Variants in PLCB1 observed in about 807,000 individuals in gnomAD.
The protein encoded by PLCB1 is phospholipase C beta 1, also known as 1-phosphatidylinositol 4,5-bisphosphate phosphodiesterase beta-1.
In PLCB1, 46 loss-of-function variants were observed where a neutral mutation model predicts 161.8. That is an observed-to-expected ratio of 0.28 (90% confidence interval 0.22 to 0.36). The LOEUF (loss-of-function observed/expected upper bound fraction) is 0.36, where lower values mean the gene tolerates loss of function less well. PLCB1 is among the 10% of genes least tolerant of loss of function. The pLI, the probability that PLCB1 is intolerant of heterozygous loss-of-function variation, is 1.00. For synonymous variants in PLCB1, 517 were observed against 503.7 expected (o/e 1.03, Z -0.35); for missense variants, 1,016 against 1,472.5 (o/e 0.69, Z 5.07).
chr20:8,557,948 G>T (rs2123013462), intron 3 of PLCB1, among the ~76,000 whole-genome samples: 1 of 152,000 alleles, frequency 6.6e-6, no homozygotes, highest in African/African-American at 2.4e-5. Context: ...AAAAAGCACA[G>T]ATATTGGATC....
At chr20:8,496,352 C>T (rs979897212) in intron 3 of PLCB1, among the ~76,000 whole-genome samples, 1 of 140,478 alleles carries the variant, frequency 7.1e-6, no homozygotes, top group East Asian at 2.1e-4. Flanking sequence ...AAAAAAAATA[C>T]AAAAATTAGC....
chr20:8,550,312 A>G (rs909673571), intron 3 of PLCB1, among the ~76,000 whole-genome samples: 12 of 152,122 alleles, frequency 7.9e-5, no homozygotes, highest in African/African-American at 2.2e-4. Flanking sequence ...CCCCCCACCC[A>G]AATCTCACCA....
chr20:8,661,536 A>G (rs939565721), intron 9 of PLCB1, among the ~76,000 whole-genome samples: 9 of 152,026 alleles, frequency 5.9e-5, no homozygotes, highest in African/African-American at 2.2e-4. Flanking sequence ...TAGAATCCAT[A>G]TGAAAGAAAT....
chr20:8,832,203 T>A (rs1011801264), intron 31 of PLCB1, among the ~76,000 whole-genome samples: 16 of 152,236 alleles, frequency 1.1e-4, no homozygotes, highest in Non-Finnish European at 2.9e-5. Flanking sequence ...GAGACTTGAG[T>A]GGTTCCACTT....
At chr20:8,151,083 G>A (rs149074491) in intron 2 of PLCB1, among the ~76,000 whole-genome samples, 169 of 152,282 alleles carry the variant, frequency 1.1e-3, no homozygotes, top group African/African-American at 3.8e-3. Context: ...TTCAAGCATC[G>A]TTGCCACAGT....
intron 23 of PLCB1, among the ~76,000 whole-genome samples, chr20:8,747,548 G>A (rs571319206): frequency 1.3e-5 from 2 of 152,232 alleles, no homozygotes; most frequent in Admixed American, 1.3e-4. Flanking sequence ...TATTCCAAAG[G>A]GCCTACTTTT....
At chr20:8,387,976 T>TAAAAA (rs1568657457) in intron 3 of PLCB1, among the ~76,000 whole-genome samples, 2 of 128,734 alleles carry the variant, frequency 1.6e-5, no homozygotes, top group African/African-American at 7.1e-5. Flanking sequence ...ACCACTTTTT[T>TAAAAA]TAAAAAAAAA....
intron 2 of PLCB1, among the ~76,000 whole-genome samples, chr20:8,316,310 A>G (rs1342511748): frequency 6.6e-6 from 1 of 152,110 alleles, no homozygotes; most frequent in Non-Finnish European, 1.5e-5. Context: ...CTCCCCTCAA[A>G]ATCAGTGAAT....
At chr20:8,684,245 T>TTTA (rs1416784477) in intron 9 of PLCB1, among the ~76,000 whole-genome samples, 3 of 149,014 alleles carry the variant, frequency 2.0e-5, no homozygotes, top group Non-Finnish European at 4.4e-5. Flanking sequence ...TATTTATTTA[T>TTTA]TTATTTATTT....
At chr20:8,657,087 AAAG>A in intron 7 of PLCB1, 94 bp from the exon 8 acceptor site, 1 of 739,826 alleles carries the variant, frequency 1.4e-6, no homozygotes, top group South Asian at 1.5e-5. Context: ...GGGGGGAAGA[AAAG>A]AAAGGAGAGA....
At chr20:8,761,423 A>T (rs1056462681) in intron 25 of PLCB1, among the ~76,000 whole-genome samples, 19 of 152,230 alleles carry the variant, frequency 1.2e-4, no homozygotes, top group African/African-American at 4.3e-4. Context: ...TGATTTATGC[A>T]CTTTGATGCG....
intron 3 of PLCB1, among the ~76,000 whole-genome samples, chr20:8,538,414 A>T (rs2122943712): frequency 6.6e-6 from 1 of 151,452 alleles, no homozygotes; most frequent in East Asian, 2.0e-4. Context: ...TGTTGCAACC[A>T]TGGCTCACTG....
At chr20:8,804,592 G>A (rs566301682) in intron 31 of PLCB1, among the ~76,000 whole-genome samples, 6 of 152,042 alleles carry the variant, frequency 3.9e-5, no homozygotes, top group Non-Finnish European at 5.9e-5. Context: ...AAAGATTTTT[G>A]TACTAATTTT....
Position 8,557,474 on chromosome 20 carries a change from G to A in PLCB1, c.247-70820G>A, listed in dbSNP as rs148045028. ...GACAGATATTTGTATGATTCCACTC[G>A]TATGAGATAACTAGAGGAGTCAAAT... On this transcript the variant is annotated intron_variant, in intron 3 of 31. Transcript: ENST00000338037. 9.9e-5 allele frequency among the ~76,000 whole-genome samples: 15 copies of A among 152,114 alleles called. No homozygotes were observed. In the East Asian group the frequency reaches 2.1e-3, roughly 22 times the overall value.
At chr20:8,616,456 T>C (rs889869822) in intron 3 of PLCB1, among the ~76,000 whole-genome samples, 4 of 152,186 alleles carry the variant, frequency 2.6e-5, no homozygotes, top group African/African-American at 9.6e-5. Context: ...CCTCTCTGAT[T>C]TCATTAATTA....
chr20:8,362,423 A>G (rs952597520), intron 2 of PLCB1, among the ~76,000 whole-genome samples: 1 of 152,226 alleles, frequency 6.6e-6, no homozygotes, highest in Non-Finnish European at 1.5e-5. Flanking sequence ...CAAGTGTGGC[A>G]GTTTCTTCCC....
chr20:8,307,888 A>C (rs1984208528), intron 2 of PLCB1, among the ~76,000 whole-genome samples: 1 of 151,854 alleles, frequency 6.6e-6, no homozygotes, highest in Admixed American at 6.6e-5. Context: ...GTGTCACTGC[A>C]CTCCAGCCTG....
intron 1 of PLCB1, among the ~76,000 whole-genome samples, chr20:8,135,460 G>T (rs1041604774): frequency 1.3e-5 from 2 of 152,166 alleles, no homozygotes; most frequent in Non-Finnish European, 2.9e-5. Context: ...TGAGGCTGTG[G>T]ATGCTCTAAG....
chr20:8,375,287 A>G (rs1987035731), intron 3 of PLCB1, among the ~76,000 whole-genome samples: 1 of 152,124 alleles, frequency 6.6e-6, no homozygotes, highest in South Asian at 2.1e-4. Context: ...TGGTATATAT[A>G]TCTTGTCTGT....
Sources: gnomAD v4.1 joint callset for allele counts (sites outside exome capture counted in the v4.1 genomes callset) on GRCh38, gnomAD v4.1.1 for gene constraint, MANE v1.5 for transcripts, NCBI Gene and HGNC (gene_info 2026-07-23, HGNC 2026-07-21) for gene names.